The following GLIS3 variants were observed in gnomAD, a reference collection of about 807,000 sequenced individuals.
The protein encoded by GLIS3 is GLIS family zinc finger 3.
Under a neutral mutation model 78.6 loss-of-function variants are expected in GLIS3, and 53 were observed. The observed-to-expected ratio is 0.67, with a 90% CI of 0.54 to 0.85. GLIS3 has a LOEUF of 0.85. GLIS3 is among the 40% of genes least tolerant of loss of function. The probability of loss-of-function intolerance (pLI) is 0.00; values close to 1 mark genes in which losing one functional copy is unlikely to be tolerated. For missense variants in GLIS3, 1,703 were observed against 1,231.1 expected (o/e 1.38, Z -5.74); for synonymous variants, 684 against 509.9 (o/e 1.34, Z -4.60).
chr9:4,136,241 G>A (rs1248123177), intron 2 of GLIS3, among the ~76,000 whole-genome samples: 2 of 152,170 alleles, frequency 1.3e-5, no homozygotes, highest in African/African-American at 4.8e-5. Flanking sequence ...TCGCTAGACT[G>A]TACAGTATTA....
At chr9:4,100,521 C>A (rs892602929) in intron 4 of GLIS3, among the ~76,000 whole-genome samples, 1 of 152,096 alleles carries the variant, frequency 6.6e-6, no homozygotes, top group Non-Finnish European at 1.5e-5. Context: ...TAAAAACGTA[C>A]ATTTTCTGGA....
chr9:4,142,488 C>T (rs1383026548), intron 2 of GLIS3, among the ~76,000 whole-genome samples: 6 of 152,148 alleles, frequency 3.9e-5, no homozygotes, highest in Non-Finnish European at 8.8e-5. Context: ...TTCAACTGTT[C>T]CAGGTGAATC....
chr9:3,981,581 C>G (rs1173806537), intron 4 of GLIS3, among the ~76,000 whole-genome samples: 1 of 152,138 alleles, frequency 6.6e-6, no homozygotes, highest in African/African-American at 2.4e-5. Flanking sequence ...AGGACAGGAA[C>G]CCTGTCTTAC....
intron 4 of GLIS3, among the ~76,000 whole-genome samples, chr9:4,009,805 G>C (rs996013451): frequency 6.6e-6 from 1 of 152,214 alleles, no homozygotes; most frequent in African/African-American, 2.4e-5. Context: ...GGTCCACGTG[G>C]ATTCACTGCA....
intron 2 of GLIS3, among the ~76,000 whole-genome samples, chr9:4,128,089 A>T (rs553748618): frequency 6.6e-6 from 1 of 152,260 alleles, no homozygotes; most frequent in South Asian, 2.1e-4. Flanking sequence ...GAGCCAATAC[A>T]AACTAATGTG....
At chr9:3,858,819 C>T (rs187525264) in intron 8 of GLIS3, among the ~76,000 whole-genome samples, 1 of 152,154 alleles carries the variant, frequency 6.6e-6, no homozygotes, top group Admixed American at 6.5e-5. Flanking sequence ...GATAGGAAGC[C>T]ACCACTAAAA....
chr9:4,140,855 G>C (rs181284939), intron 2 of GLIS3, among the ~76,000 whole-genome samples: 37 of 151,218 alleles, frequency 2.4e-4, no homozygotes, highest in Non-Finnish European at 4.6e-4. Flanking sequence ...TTGGAGTGCA[G>C]TGGCACAATC....
At chr9:4,259,772 C>A (rs779313990) in intron 2 of GLIS3, among the ~76,000 whole-genome samples, 1 of 152,162 alleles carries the variant, frequency 6.6e-6, no homozygotes, top group Non-Finnish European at 1.5e-5. Context: ...GACATGTGAG[C>A]TAAGAAAATG....
intron 2 of GLIS3, among the ~76,000 whole-genome samples, chr9:4,255,452 C>T (rs1198616046): frequency 2.0e-5 from 3 of 152,158 alleles, no homozygotes; most frequent in African/African-American, 4.8e-5. Context: ...GTTGGCAGAA[C>T]TTGGAAGTAA....
At chr9:4,266,262 A>T (rs1351268605) in intron 2 of GLIS3, among the ~76,000 whole-genome samples, 1 of 151,978 alleles carries the variant, frequency 6.6e-6, no homozygotes, top group Non-Finnish European at 1.5e-5. Flanking sequence ...CAGGAAAATG[A>T]GCCACCTGGC....
intron 9 of GLIS3, among the ~76,000 whole-genome samples, chr9:3,846,184 A>G (rs1394841636): frequency 6.6e-6 from 1 of 152,188 alleles, no homozygotes; most frequent in African/African-American, 2.4e-5. Context: ...CCTATAAGGA[A>G]CCGCATATTT....
chr9:3,883,326 C>T (rs963776301), intron 7 of GLIS3, among the ~76,000 whole-genome samples: 1 of 152,214 alleles, frequency 6.6e-6, no homozygotes, highest in Non-Finnish European at 1.5e-5. Context: ...AGCACCTACT[C>T]TGCACCAGGC....
chr9:4,229,947 C>G (rs1444787473), intron 2 of GLIS3, among the ~76,000 whole-genome samples: 1 of 152,152 alleles, frequency 6.6e-6, no homozygotes, highest in African/African-American at 2.4e-5. Flanking sequence ...TGAACATTGC[C>G]CAATCAAGGT....
intron 9 of GLIS3, among the ~76,000 whole-genome samples, chr9:3,848,524 A>G (rs553718712): frequency 6.6e-6 from 1 of 152,292 alleles, no homozygotes; most frequent in South Asian, 2.1e-4. Context: ...AAATAAAATA[A>G]AAATAAAAAT....
intron 2 of GLIS3, among the ~76,000 whole-genome samples, chr9:4,274,030 C>T (rs1826764567): frequency 6.6e-6 from 1 of 152,190 alleles, no homozygotes; most frequent in African/African-American, 2.4e-5. Context: ...GTGGCCGAGT[C>T]TGCCCTTTGC....
chr9:3,891,537 T>C (rs1042467060), intron 7 of GLIS3, among the ~76,000 whole-genome samples: 2 of 152,068 alleles, frequency 1.3e-5, no homozygotes, highest in Non-Finnish European at 2.9e-5. Context: ...CTACACAAAA[T>C]AATTTTAAAA....
At chr9:3,991,980 C>A (rs190642973) in intron 4 of GLIS3, among the ~76,000 whole-genome samples, 11 of 152,214 alleles carry the variant, frequency 7.2e-5, no homozygotes, top group South Asian at 2.1e-4. Context: ...ATGAGCCACC[C>A]TGCCCGGCCA....
chr9:4,264,414 C>T (rs1825804243), intron 2 of GLIS3, among the ~76,000 whole-genome samples: 1 of 152,202 alleles, frequency 6.6e-6, no homozygotes, highest in Non-Finnish European at 1.5e-5. Flanking sequence ...GGACTATTCT[C>T]AATATGGTAA....
At chr9:3,985,131 A>T (rs1819635699) in intron 4 of GLIS3, among the ~76,000 whole-genome samples, 1 of 151,184 alleles carries the variant, frequency 6.6e-6, no homozygotes, top group Non-Finnish European at 1.5e-5. Flanking sequence ...TCACCATTTC[A>T]GTCAAAATTA....
Sources: gnomAD v4.1 joint callset for allele counts (sites outside exome capture counted in the v4.1 genomes callset) on GRCh38, gnomAD v4.1.1 for gene constraint, MANE v1.5 for transcripts, NCBI Gene and HGNC (gene_info 2026-07-23, HGNC 2026-07-21) for gene names.